Variants in GRIP1 observed in about 807,000 individuals in gnomAD.
GRIP1 encodes the protein glutamate receptor interacting protein 1, also known as glutamate receptor-interacting protein 1.
A neutral mutation model predicts 129.9 loss-of-function variants in GRIP1; 45 were observed. The ratio of observed to expected loss-of-function variants is 0.35; its 90% CI spans 0.27 to 0.44. The LOEUF (loss-of-function observed/expected upper bound fraction) is 0.44. Among genes scored for constraint, GRIP1 ranks in the 20% least tolerant of loss-of-function variants. The pLI, the probability that GRIP1 is intolerant of heterozygous loss-of-function variation, is 1.00. For missense variants in GRIP1, 1,196 were observed against 1,396.8 expected (o/e 0.86, Z 2.29); for synonymous variants, 530 against 520.8 (o/e 1.02, Z -0.24).
At chr12:66,528,134 G>GTTTTTTTTTTTGTTTTTTTTTT (rs1565829896) in intron 5 of GRIP1, among the ~76,000 whole-genome samples, 1 of 99,244 alleles carries the variant, frequency 1.0e-5, no homozygotes, top group Non-Finnish European at 1.9e-5. Context: ...GAATTAGTAG[G>GTTTTTTTTTTTGTTTTTTTTTT]TTTTTTTTTT....
chr12:66,975,336 G>C (rs2042135802), intron 1 of GRIP1, among the ~76,000 whole-genome samples: 2 of 152,140 alleles, frequency 1.3e-5, no homozygotes, highest in Admixed American at 6.5e-5. Context: ...GTAAACAAAG[G>C]ATTCAGTTTC....
chr12:66,897,148 C>T (rs10784597), intron 1 of GRIP1, among the ~76,000 whole-genome samples: 79,509 of 151,966 alleles, frequency 0.52, 21,519 homozygotes, highest in East Asian at 0.67. Flanking sequence ...ACAGTGTTGT[C>T]GGGAAGATGG....
chr12:66,739,328 T>C (rs1388148132), intron 1 of GRIP1, among the ~76,000 whole-genome samples: 1 of 152,152 alleles, frequency 6.6e-6, no homozygotes, highest in Non-Finnish European at 1.5e-5. Context: ...CAAAGTAATT[T>C]GCACAAAGAA....
At chr12:66,529,693 C>G (rs540641672) in intron 5 of GRIP1, 138 bp downstream of exon 5, 12 of 679,752 alleles carry the variant, frequency 1.8e-5, no homozygotes, top group African/African-American at 5.3e-5. Context: ...GTATACTGCT[C>G]GGGTCGTGGG....
intron 1 of GRIP1, among the ~76,000 whole-genome samples, chr12:66,856,270 T>C (rs375776690): frequency 1.3e-5 from 2 of 152,092 alleles, no homozygotes; most frequent in Non-Finnish European, 2.9e-5. Context: ...ATAAAAACCC[T>C]AAAAGAAAAC....
chr12:66,711,836 C>T (rs186699615), intron 1 of GRIP1, among the ~76,000 whole-genome samples: 1 of 151,996 alleles, frequency 6.6e-6, no homozygotes, highest in Admixed American at 6.6e-5. Context: ...CAAACAATTA[C>T]TTGCCAAGCT....
chr12:66,799,923 G>A (rs967511819), intron 1 of GRIP1, among the ~76,000 whole-genome samples: 4 of 152,042 alleles, frequency 2.6e-5, no homozygotes, highest in East Asian at 1.9e-4. Context: ...ACAATGCATC[G>A]TGTTTTTCAA....
chr12:67,056,332 T>A (rs2043435406), intron 1 of GRIP1, among the ~76,000 whole-genome samples: 1 of 152,178 alleles, frequency 6.6e-6, no homozygotes, highest in Non-Finnish European at 1.5e-5. Flanking sequence ...CTTAAAATCA[T>A]CTGAAGGCTC....
At chr12:66,828,832 G>A (rs1166959117) in intron 1 of GRIP1, among the ~76,000 whole-genome samples, 1 of 152,070 alleles carries the variant, frequency 6.6e-6, no homozygotes, top group Non-Finnish European at 1.5e-5. Context: ...TCTCATTAAG[G>A]GAAGGGATTT....
chr12:66,561,939 T>G (rs1258320335), intron 2 of GRIP1, among the ~76,000 whole-genome samples: 1 of 151,500 alleles, frequency 6.6e-6, no homozygotes, highest in Admixed American at 6.6e-5. Flanking sequence ...ACAAAAAGAT[T>G]TAAAAATTAC....
At position 66,735,310 on chromosome 12, in the gene GRIP1, G is replaced by A. The variant is rs77596708; in HGVS notation, c.-420+68743C>T. On this transcript the variant is annotated intron_variant, in intron 1 of 4. Transcript: ENST00000538373. ...AAAGTAAAAATATGCTTATAATGTC[G>A]AAGTAAATAATAAGAATTTTCTGAG... is the stretch of plus-strand genomic sequence containing the variant. Among the ~76,000 whole-genome samples the A allele has an allele frequency of 1.3e-4, 20 of 152,224 alleles. No individual in the cohort carries two copies. In the East Asian group the frequency reaches 2.7e-3, roughly 21 times the overall value.
chr12:66,478,614 A>T (rs2138520673), intron 7 of GRIP1, among the ~76,000 whole-genome samples: 1 of 152,322 alleles, frequency 6.6e-6, no homozygotes, highest in African/African-American at 2.4e-5. Context: ...AATAGCAAAG[A>T]CTTGGAACCA....
At position 66,465,290 on chromosome 12, in the gene GRIP1, G is replaced by A; in HGVS notation, c.857C>T (p.Ala286Val). 6.2e-7 allele frequency: 1 copy of A among 1,613,758 alleles called. No individual in the cohort carries two copies. The highest frequency in any genetic ancestry group is 8.5e-7 in the Non-Finnish European group (1 of 1,179,718). Reference sequence around the variant, plus strand: ...CAATACTTACCTGTCTGCAATACTTGCAGATTTGATTTTGTCTATGACAAT... The same window carrying A: ...CAATACTTACCTGTCTGCAATACTTACAGATTTGATTTTGTCTATGACAAT... The part of the protein sequence containing the change: ...QVIVIDKIKS[A>V]SIADRCGALH... Residue 286 changes from alanine to valine, a missense_variant, in exon 8 of 25, where the codon GCA becomes GTA. Ala to Val is a moderately conservative substitution (Grantham distance 64, BLOSUM62 0). This residue lies in a region of GRIP1 where 508 missense variants were observed against 587.0 expected (regional missense o/e 0.87). Transcript: ENST00000359742.
chr12:66,523,209 C>G (rs1263891804), intron 5 of GRIP1, among the ~76,000 whole-genome samples: 1 of 151,216 alleles, frequency 6.6e-6, no homozygotes, highest in African/African-American at 2.4e-5. Context: ...AGAAGAGCAA[C>G]TCCAAGACAC....
At chr12:66,874,235 G>A (rs2040344177) in intron 1 of GRIP1, among the ~76,000 whole-genome samples, 1 of 152,044 alleles carries the variant, frequency 6.6e-6, no homozygotes, top group South Asian at 2.1e-4. Flanking sequence ...TTGTTTTTCA[G>A]GCCAGGGCTT....
intron 1 of GRIP1, among the ~76,000 whole-genome samples, chr12:67,027,172 C>T (rs2042952862): frequency 6.6e-6 from 1 of 152,168 alleles, no homozygotes; most frequent in African/African-American, 2.4e-5. Flanking sequence ...TAAGGACATC[C>T]AACAGCTTGC....
chr12:66,825,758 TC>T (rs1221288832), intron 1 of GRIP1, among the ~76,000 whole-genome samples: 43 of 152,300 alleles, frequency 2.8e-4, no homozygotes, highest in African/African-American at 9.1e-4. Context: ...GCAAAGTTCT[TC>T]CTTTTCAGGG....
chr12:66,719,641 T>A (rs1329701875), intron 1 of GRIP1, among the ~76,000 whole-genome samples: 2 of 152,138 alleles, frequency 1.3e-5, no homozygotes, highest in Non-Finnish European at 2.9e-5. Flanking sequence ...AAATGAAACA[T>A]CATTAAATTT....
chr12:66,597,267 T>C (rs142022152), intron 1 of GRIP1, among the ~76,000 whole-genome samples: 139 of 152,294 alleles, frequency 9.1e-4, no homozygotes, highest in Non-Finnish European at 1.7e-3. Flanking sequence ...GATAAATAAA[T>C]ACCAGTGAAT....
Sources: gnomAD v4.1 joint callset for allele counts (sites outside exome capture counted in the v4.1 genomes callset) on GRCh38, gnomAD v4.1.1 for gene constraint, gnomAD v4.1.1 regional missense constraint, MANE v1.5 for transcripts, NCBI Gene and HGNC (gene_info 2026-07-23, HGNC 2026-07-21) for gene names.